RTN4: variants seen among roughly 807,000 people sequenced by gnomAD.
RTN4 encodes reticulon-4.
RTN4 carries 32 observed loss-of-function variants against 90.4 expected under a neutral mutation model. The observed-to-expected ratio is 0.35, with a 90% CI of 0.27 to 0.48. The LOEUF (loss-of-function observed/expected upper bound fraction) is 0.48. Ranked by LOEUF, RTN4 falls within the 20% of genes least tolerant of loss-of-function variation. The pLI, the probability that RTN4 is intolerant of heterozygous loss-of-function variation, is 0.99. For synonymous variants in RTN4, 629 were observed against 552.5 expected (o/e 1.14, Z -1.94); for missense variants, 1,706 against 1,430.2 (o/e 1.19, Z -3.11).
At chr2:55,126,796 T>A in the RTN4 span, among the ~76,000 whole-genome samples, 10 of 151,786 alleles carry the variant, frequency 6.6e-5, no homozygotes, top group African/African-American at 2.4e-4. Flanking sequence ...CAGTGACAGA[T>A]TGGATAAAGA....
At chr2:54,995,192 A>G (rs1412012878) in intron 3 of RTN4, among the ~76,000 whole-genome samples, 2 of 151,960 alleles carry the variant, frequency 1.3e-5, no homozygotes, top group Non-Finnish European at 2.9e-5. Flanking sequence ...GCAAGCTGAG[A>G]TCACATCACT....
intron 1 of RTN4, among the ~76,000 whole-genome samples, chr2:55,087,216 C>G (rs1331650154): frequency 6.6e-6 from 1 of 152,064 alleles, no homozygotes; most frequent in African/African-American, 2.4e-5. Flanking sequence ...GTATGTGTTT[C>G]TGTTCAGTAT....
the RTN4 span, among the ~76,000 whole-genome samples, chr2:55,118,180 C>T: frequency 1.3e-5 from 2 of 152,034 alleles, no homozygotes; most frequent in African/African-American, 2.4e-5. Context: ...TAAAAGACAC[C>T]CAGGGCTGGG....
At chr2:54,975,985 CAGTT>C (rs1429759914) in intron 5 of RTN4, among the ~76,000 whole-genome samples, 1 of 152,212 alleles carries the variant, frequency 6.6e-6, no homozygotes, top group African/African-American at 2.4e-5. Flanking sequence ...AGGATGACTT[CAGTT>C]AGTAAGGCTT....
At chr2:55,119,535 T>G in the RTN4 span, among the ~76,000 whole-genome samples, 1 of 152,216 alleles carries the variant, frequency 6.6e-6, no homozygotes, top group African/African-American at 2.4e-5. Flanking sequence ...AGCCTTATAG[T>G]AGAAGTAAAT....
chr2:54,998,679 C>T (rs1679633051), intron 3 of RTN4, among the ~76,000 whole-genome samples: 1 of 152,224 alleles, frequency 6.6e-6, no homozygotes, highest in Admixed American at 6.5e-5. Flanking sequence ...ATCATTAATG[C>T]TTGCTGCACT....
At chr2:55,034,578 T>G (rs1174704002) in intron 1 of RTN4, among the ~76,000 whole-genome samples, 1 of 152,138 alleles carries the variant, frequency 6.6e-6, no homozygotes, top group East Asian at 1.9e-4. Context: ...AAACAGAAGC[T>G]GAAAGAATTT....
Position 55,049,848 on chromosome 2 carries a change from C to T in RTN4, c.453G>A (p.Val151=). ...TCCACACGGGCTCTGCCTGGGGGCT[C>T]ACGCTGGCCGGGGGAGGAGGGGGAG... is the stretch of plus-strand genomic sequence containing the variant. ...ARPPPPPPAS[V]SPQAEPVWTP... is the part of the protein sequence containing the mutation. Residue 151 remains valine, a synonymous_variant, in exon 1 of 9, where the codon GTG becomes GTA. Coordinates refer to ENST00000337526, the MANE Select transcript of RTN4 (RefSeq NM_020532.5). 3 of 1,310,372 alleles carry T rather than the reference C, an allele frequency of 2.3e-6. No homozygotes were observed. Among genetic ancestry groups the T allele is most frequent in the Non-Finnish European group, 2.9e-6 (3 of 1,032,490 alleles). 81.2% of individuals were successfully genotyped at this position (1,310,372 alleles called of 1,614,324 possible).
upstream of RTN4, chr2:55,050,551 TC>T (rs1185975665): frequency 2.9e-6 from 1 of 344,326 alleles, no homozygotes; most frequent in Non-Finnish European, 5.2e-6. This position sits in a 1 kb window ranked among gnomAD's most constrained non-coding sequence, Gnocchi z 4.6. Flanking sequence ...CAGCGGACTC[TC>T]CGCCCAGTTT....
In RTN4 at chr2:54,973,861, A is replaced by T; in HGVS notation, c.3437T>A (p.Ile1146Asn). 1 of 1,612,712 alleles carries T rather than the reference A, an allele frequency of 6.2e-7. No homozygotes were observed. The highest frequency in any genetic ancestry group is 8.5e-7 in the Non-Finnish European group (1 of 1,179,424). Residue 1146 changes from isoleucine (I) to asparagine (N), a missense_variant, in exon 7 of 9, where the codon ATT becomes AAT. Transcript: ENST00000337526. Reference sequence around the variant, plus strand: ...AATAACAGGAACACTGAAGAGTGAAATGAGAGCTGAAAAGGGAAATATACA... The same window carrying T: ...AATAACAGGAACACTGAAGAGTGAATTGAGAGCTGAAAAGGGAAATATACA... ...NGLTLLILAL[I>N]SLFSVPVIYE...
At chr2:55,096,009 A>G (rs1048183080) in intron 1 of RTN4, among the ~76,000 whole-genome samples, 5 of 152,170 alleles carry the variant, frequency 3.3e-5, no homozygotes, top group Non-Finnish European at 5.9e-5. Context: ...ACAGAGGTAA[A>G]GTACCATTTT....
At chr2:55,014,619 G>C (rs991269183) in intron 3 of RTN4, 1 of 151,920 alleles carries the variant, frequency 6.6e-6, no homozygotes, top group Non-Finnish European at 1.5e-5. Context: ...CCGGGTTCAA[G>C]TGATTCTCCT....
Position 55,025,653 on chromosome 2 carries a change from G to T in RTN4, c.2446C>A (p.Pro816Thr). The T allele has an allele frequency of 6.2e-7, 1 of 1,613,764 alleles. No homozygotes were observed. Among genetic ancestry groups the T allele is most frequent in the Non-Finnish European group, 8.5e-7 (1 of 1,179,816 alleles). ...TTGCTCAATGTTGAAACTTCATCAG[G>T]TAACAGGGTATCTTTTGTGTTATCT... is the stretch of plus-strand genomic sequence containing the variant. Reference protein sequence around the residue: ...SLDNTKDTLLPDEVSTLSKKE... With the variant: ...SLDNTKDTLLTDEVSTLSKKE... The change falls in exon 3 of 9, where the codon CCT becomes ACT. Residue 816 changes from proline (P) to threonine (T), a missense_variant. Coordinates refer to ENST00000337526, the MANE Select transcript of RTN4 (RefSeq NM_020532.5).
chr2:55,116,875 CT>C (rs67265925), upstream of RTN4, among the ~76,000 whole-genome samples: 35 of 126,708 alleles, frequency 2.8e-4, no homozygotes, highest in Non-Finnish European at 3.3e-4. Context: ...TCTTTTTTTC[CT>C]TTTTTTTTTT....
intron 3 of RTN4, among the ~76,000 whole-genome samples, chr2:54,998,894 G>A (rs1469645847): frequency 2.6e-5 from 4 of 152,092 alleles, no homozygotes; most frequent in Non-Finnish European, 4.4e-5. Flanking sequence ...ACTTTTCTTG[G>A]TTCCTCAAGT....
intron 2 of RTN4, among the ~76,000 whole-genome samples, chr2:55,064,914 G>A (rs1463715204): frequency 1.3e-5 from 2 of 152,148 alleles, no homozygotes; most frequent in Non-Finnish European, 2.9e-5. Context: ...ATATGAAAGT[G>A]ATAGGGTATC....
rs146701040 is a variant in RTN4 at position 55,025,218 on chromosome 2, G to C, written c.2881C>G (p.Gln961Glu). 373 of 1,613,804 alleles carry C rather than the reference G, an allele frequency of 2.3e-4. No homozygotes were observed. In the African/African-American group the frequency reaches 3.4e-3, roughly 15 times the overall value. ...TTAACTATGCTCTCTATCTCTGCTT[G>C]AGTGGCCAAAGCAGAAACATCTGGA... ...LPPDVSALAT[Q>E]AEIESIVKPK... Residue 961 changes from glutamine (Q) to glutamate (E), a missense_variant, in exon 3 of 9, where the codon CAA becomes GAA. By Grantham distance (29) the Gln-to-Glu change is conservative (BLOSUM62 2). Coordinates refer to ENST00000337526, the MANE Select transcript of RTN4 (RefSeq NM_020532.5).
chr2:55,121,727 TGAGGTA>T, the RTN4 span, among the ~76,000 whole-genome samples: 1 of 152,150 alleles, frequency 6.6e-6, no homozygotes, highest in Admixed American at 6.5e-5. Flanking sequence ...GGGATTTGAG[TGAGGTA>T]CCAAGGGGAC....
At chr2:55,098,588 A>C (rs1253543856) in intron 1 of RTN4, among the ~76,000 whole-genome samples, 16 of 152,076 alleles carry the variant, frequency 1.1e-4, no homozygotes, top group Non-Finnish European at 1.8e-4. Flanking sequence ...ATCACACCCC[A>C]AAAAAATAAC....
Sources: gnomAD v4.1 joint callset for allele counts (sites outside exome capture counted in the v4.1 genomes callset) on GRCh38, gnomAD v4.1.1 for gene constraint, Gnocchi (gnomAD v3.1) non-coding constraint, MANE v1.5 for transcripts, NCBI Gene and HGNC (gene_info 2026-07-23, HGNC 2026-07-21) for gene names.